AR: variants seen among roughly 807,000 people sequenced by gnomAD.
AR encodes the protein dihydrotestosterone receptor.
AR carries 8 observed loss-of-function variants against 53.9 expected under a neutral mutation model. That is an observed-to-expected ratio of 0.15 (90% CI 0.09 to 0.27). The LOEUF (loss-of-function observed/expected upper bound fraction) is 0.27, where lower values mean the gene tolerates loss of function less well. Ranked by LOEUF, AR falls within the 10% of genes least tolerant of loss-of-function variation. The pLI is 1.00. For synonymous variants in AR, 359 were observed against 316.4 expected, an observed-to-expected ratio of 1.13 and a Z score of -1.43; for missense variants, 639 against 742.5, an observed-to-expected ratio of 0.86 and a Z score of 1.62.
intron 1 of AR, among the ~76,000 whole-genome samples, chrX:67,595,674 C>A (rs1051829346): frequency 2.8e-5 from 3 of 106,211 alleles, no homozygotes; most frequent in African/African-American, 1.0e-4. Flanking sequence ...AATAGCCAGG[C>A]GTGATGGTGC....
chrX:67,694,047 A>G (rs186919105), intron 3 of AR, among the ~76,000 whole-genome samples: 2 of 111,559 alleles, frequency 1.8e-5, no homozygotes, highest in African/African-American at 6.5e-5. Context: ...CACCAGCCCA[A>G]GCTTGTGCAG....
At chrX:67,715,794 A>C (rs1380932488) in intron 4 of AR, among the ~76,000 whole-genome samples, 1 of 112,395 alleles carries the variant, frequency 8.9e-6, no homozygotes, top group Non-Finnish European at 1.9e-5. Flanking sequence ...CATCAACAGG[A>C]AAGTGAGAAG....
At chrX:67,619,974 T>C (rs1319788102) in intron 1 of AR, among the ~76,000 whole-genome samples, 1 of 110,966 alleles carries the variant, frequency 9.0e-6, no homozygotes, top group Non-Finnish European at 1.9e-5. Context: ...GTTTAAGAGA[T>C]CAGGGTAAGC....
At chrX:67,627,845 T>G (rs1289920134) in intron 1 of AR, among the ~76,000 whole-genome samples, 1 of 112,023 alleles carries the variant, frequency 8.9e-6, no homozygotes, top group African/African-American at 3.2e-5. Flanking sequence ...AGTTTCAGCT[T>G]TCTACATATG....
intron 1 of AR, among the ~76,000 whole-genome samples, chrX:67,566,977 T>A (rs1324106473): frequency 9.0e-6 from 1 of 111,695 alleles, no homozygotes; most frequent in African/African-American, 3.3e-5. Flanking sequence ...CAAGATCACA[T>A]AGTATAGTAA....
At chrX:67,646,329 G>T (rs865921386) in intron 2 of AR, among the ~76,000 whole-genome samples, 1 of 110,902 alleles carries the variant, frequency 9.0e-6, no homozygotes, top group Admixed American at 9.6e-5. Flanking sequence ...TGGAGAATTG[G>T]GGTGAGGGTG....
At chrX:67,683,659 T>C (rs902606045) in intron 2 of AR, among the ~76,000 whole-genome samples, 8 of 112,750 alleles carry the variant, frequency 7.1e-5, no homozygotes, top group African/African-American at 2.3e-4. Context: ...GAGATTTTCC[T>C]CTGTAACCTC....
intron 1 of AR, among the ~76,000 whole-genome samples, chrX:67,635,583 GGAGA>G (rs750057449): frequency 1.3e-4 from 14 of 108,067 alleles, no homozygotes; most frequent in Admixed American, 8.0e-4. Flanking sequence ...AAGGAGTCAG[GGAGA>G]GAGAGAGAGA....
At chrX:67,665,845 T>C (rs1009182346) in intron 2 of AR, among the ~76,000 whole-genome samples, 4 of 111,915 alleles carry the variant, frequency 3.6e-5, no homozygotes, top group African/African-American at 1.3e-4. Flanking sequence ...ATGGAATATA[T>C]GCATAAAATG....
intron 1 of AR, among the ~76,000 whole-genome samples, chrX:67,571,079 G>C (rs774017401): frequency 1.3e-4 from 14 of 110,831 alleles, no homozygotes; most frequent in African/African-American, 4.6e-4. Context: ...TAGGGATGAG[G>C]AAGAGACCAG....
In AR at chrX:67,616,034, GT is replaced by G. The variant is rs79742814; in HGVS notation, c.1617-27217del. ...GGGAATGGAGCTGTAGAGGAGTAAA[GT>G]TTTTATAACCTACTGGAACTAAGTC... On this transcript the variant is annotated intron_variant, in intron 1 of 7. Coordinates refer to ENST00000374690, the MANE Select transcript of AR (RefSeq NM_000044.6). Among the ~76,000 whole-genome samples, 137 of 111,183 alleles carry G rather than the reference GT, an allele frequency of 1.2e-3. 2 individuals are homozygous for G. In the East Asian group the frequency reaches 0.024, roughly 20 times the overall value.
At chrX:67,630,736 G>C (rs1199082730) in intron 1 of AR, among the ~76,000 whole-genome samples, 1 of 110,548 alleles carries the variant, frequency 9.0e-6, no homozygotes, top group African/African-American at 3.3e-5. Context: ...TCCTAGTCTC[G>C]ATGGTCTTTA....
chrX:67,559,241 T>A (rs1921194123), intron 1 of AR, among the ~76,000 whole-genome samples: 1 of 111,793 alleles, frequency 8.9e-6, no homozygotes, highest in Non-Finnish European at 1.9e-5. Flanking sequence ...ACTCTATCAC[T>A]TGGGCTCCCT....
At chrX:67,706,599 C>A (rs937280704) in intron 3 of AR, among the ~76,000 whole-genome samples, 1 of 111,386 alleles carries the variant, frequency 9.0e-6, no homozygotes, top group Non-Finnish European at 1.9e-5. Context: ...AAAAAACCAG[C>A]TCCTGGATTC....
chrX:67,584,632 C>G (rs1211619705), intron 1 of AR, among the ~76,000 whole-genome samples: 1 of 112,260 alleles, frequency 8.9e-6, no homozygotes, highest in African/African-American at 3.2e-5. Context: ...TTTCTATTGT[C>G]AGATGGTCCT....
At chrX:67,678,183 G>A (rs1289977495) in intron 2 of AR, among the ~76,000 whole-genome samples, 4 of 111,491 alleles carry the variant, frequency 3.6e-5, no homozygotes, top group African/African-American at 6.5e-5. Context: ...AAACCACAAC[G>A]CTAAGCCTGC....
intron 3 of AR, chrX:67,695,597 C>T (rs1335160823): frequency 2.7e-6 from 2 of 751,618 alleles, no homozygotes; most frequent in East Asian, 1.5e-4. Flanking sequence ...TCTCTCTGCT[C>T]CATAGCTTCC....
chrX:67,661,514 G>A (rs1456343575), intron 2 of AR, among the ~76,000 whole-genome samples: 5 of 111,844 alleles, frequency 4.5e-5, no homozygotes, highest in Admixed American at 9.5e-5. Context: ...GCTGGATTAT[G>A]TTTATTGATT....
chrX:67,594,050 A>G (rs1312100073), intron 1 of AR, among the ~76,000 whole-genome samples: 1 of 112,271 alleles, frequency 8.9e-6, no homozygotes, highest in Admixed American at 9.4e-5. Context: ...GCTGGAGTAC[A>G]GTAGTGCGCT....
Sources: gnomAD v4.1 joint callset for allele counts (sites outside exome capture counted in the v4.1 genomes callset) on GRCh38, gnomAD v4.1.1 for gene constraint, MANE v1.5 for transcripts, NCBI Gene and HGNC (gene_info 2026-07-23, HGNC 2026-07-21) for gene names.